Variants in C4orf33 observed in about 807,000 individuals in gnomAD.
The protein encoded by C4orf33 is UPF0462 protein C4orf33.
Under a neutral mutation model 24.3 loss-of-function variants are expected in C4orf33, and 20 were observed. The observed-to-expected ratio is 0.82, with a 90% CI of 0.58 to 1.19. The LOEUF is 1.19. Among genes scored for constraint, C4orf33 ranks in the 50% most tolerant of loss-of-function variants. C4orf33 has a pLI of 0.00. For missense variants in C4orf33, 207 were observed against 225.9 expected, an observed-to-expected ratio of 0.92 and a Z score of 0.54; for synonymous variants, 67 against 76.4, an observed-to-expected ratio of 0.88 and a Z score of 0.64.
At chr4:129,107,737 T>G (rs1026520964) in intron 3 of C4orf33, among the ~76,000 whole-genome samples, 1 of 152,048 alleles carries the variant, frequency 6.6e-6, no homozygotes, top group Admixed American at 6.5e-5. Flanking sequence ...GTGCTTATTT[T>G]TACCCTACAG....
At chr4:129,099,268 C>T (rs1393023829) in intron 1 of C4orf33, among the ~76,000 whole-genome samples, 1 of 152,142 alleles carries the variant, frequency 6.6e-6, no homozygotes, top group Non-Finnish European at 1.5e-5. Context: ...TACATGAGAA[C>T]CATCCCAAAC....
In C4orf33 at chr4:129,115,817, T is replaced by TATATAATATATATATGTTTATATATA. The variant is rs1753765911; in HGVS notation, c.*4031_*4032insATATATATATGTTTATATATAATATA. On this transcript the variant is annotated 3_prime_UTR_variant, in exon 6 of 6. Transcript: ENST00000425929. The stretch of plus-strand genomic sequence containing the variant: ...TTCTAACTAAATATATATATATATA[T>TATATAATATATATATGTTTATATATA]ATATATATATATAAAATATATATGT... 1.4e-5 allele frequency: 2 copies of TATATAATATATATATGTTTATATATA among 141,926 alleles called. No homozygotes were observed. The highest frequency in any genetic ancestry group is 5.3e-5 in the African/African-American group (2 of 38,040). 8.8% of individuals were successfully genotyped at this position (141,926 alleles called of 1,614,324 possible). A position where few individuals can be genotyped will look rare whatever the true frequency, so the allele number is the denominator to read the frequency against.
chr4:129,100,527 A>G (rs1033791744), intron 1 of C4orf33: 5 of 151,632 alleles, frequency 3.3e-5, no homozygotes, highest in African/African-American at 7.3e-5. Context: ...TTAGTAGCAT[A>G]TCACTGGATA....
At chr4:129,094,301 AT>A (rs56057120), upstream of C4orf33, among the ~76,000 whole-genome samples, 1 of 139,792 alleles carries the variant, frequency 7.2e-6, no homozygotes, top group Non-Finnish European at 1.6e-5. Flanking sequence ...CTTAAAACGT[AT>A]TTTTTTAAAA....
chr4:129,115,818 A>ATATAATATATATGTTTATATAT lies in C4orf33; in HGVS notation c.*4031_*4032insATATATATGTTTATATATTATA, dbSNP rs1554010295. ...TCTAACTAAATATATATATATATAT[A>ATATAATATATATGTTTATATAT]TATATATATATAAAATATATATGTT... On this transcript the variant is annotated 3_prime_UTR_variant, in exon 6 of 6. Transcript: ENST00000425929. The ATATAATATATATGTTTATATAT allele has an allele frequency of 0.011, 1,050 of 94,824 alleles. 13 individuals carry two copies. Among genetic ancestry groups the ATATAATATATATGTTTATATAT allele is most frequent in the African/African-American group, 0.03 (882 of 29,308 alleles). 5.9% of individuals were successfully genotyped at this position (94,824 alleles called of 1,614,324 possible).
intron 3 of C4orf33, among the ~76,000 whole-genome samples, chr4:129,107,072 G>A (rs1250079605): frequency 1.3e-5 from 2 of 151,842 alleles, no homozygotes; most frequent in Non-Finnish European, 2.9e-5. Context: ...TCTTTTAGGG[G>A]ATTTTTAAAT....
chr4:129,096,825 C>G (rs1222408030), intron 1 of C4orf33, among the ~76,000 whole-genome samples: 1 of 152,086 alleles, frequency 6.6e-6, no homozygotes, highest in Non-Finnish European at 1.5e-5. Flanking sequence ...TATGACTTTT[C>G]GGAAACGTTC....
At chr4:129,101,742 C>G (rs1446649525) in intron 1 of C4orf33, among the ~76,000 whole-genome samples, 2 of 152,160 alleles carry the variant, frequency 1.3e-5, no homozygotes, top group Non-Finnish European at 2.9e-5. Context: ...AGACTGTGTC[C>G]TTCTATTGAA....
At chr4:129,104,466 C>A (rs1397436771) in intron 2 of C4orf33, among the ~76,000 whole-genome samples, 1 of 152,094 alleles carries the variant, frequency 6.6e-6, no homozygotes, top group Non-Finnish European at 1.5e-5. Flanking sequence ...AAGTTTTGTC[C>A]TTCTTAATAT....
At chr4:129,102,418 G>T (rs1040077169) in intron 1 of C4orf33, among the ~76,000 whole-genome samples, 184 bp from the exon 2 acceptor site, 17 of 152,180 alleles carry the variant, frequency 1.1e-4, no homozygotes, top group Admixed American at 5.9e-4. Flanking sequence ...ACCTATTTTA[G>T]ACTAGAACTC....
intron 1 of C4orf33, among the ~76,000 whole-genome samples, chr4:129,101,336 A>T (rs1007559314): frequency 6.6e-6 from 1 of 152,182 alleles, no homozygotes. Context: ...TAACTTCATT[A>T]ATTATAGTAA....
intron 5 of C4orf33, among the ~76,000 whole-genome samples, chr4:129,111,296 G>C (rs1454669489): frequency 6.6e-6 from 1 of 152,138 alleles, no homozygotes; most frequent in Non-Finnish European, 1.5e-5. Flanking sequence ...CTTATCAATG[G>C]AACTGAAACT....
At chr4:129,099,518 C>T (rs548563929) in intron 1 of C4orf33, among the ~76,000 whole-genome samples, 59 of 147,740 alleles carry the variant, frequency 4.0e-4, no homozygotes, top group African/African-American at 1.4e-3. Context: ...AAAAATTATT[C>T]ACTCAACAAA....
rs1554010299 is a variant in C4orf33, at chr4:129,115,819, T to TATATAATATATATATGTTTATATATAAC, written c.*4033_*4034insATATATATATGTTTATATATAACATATA. 413 of 96,362 alleles carry TATATAATATATATATGTTTATATATAAC rather than the reference T, an allele frequency of 4.3e-3. 3 individuals are homozygous for TATATAATATATATATGTTTATATATAAC. Among genetic ancestry groups the TATATAATATATATATGTTTATATATAAC allele is most frequent in the South Asian group, 0.033 (94 of 2,882 alleles). 6.0% of individuals were successfully genotyped at this position (96,362 alleles called of 1,614,324 possible). The stretch of plus-strand genomic sequence containing the variant: ...CTAACTAAATATATATATATATATA[T>TATATAATATATATATGTTTATATATAAC]ATATATATATAAAATATATATGTTT... On this transcript the variant is annotated 3_prime_UTR_variant, in exon 6 of 6. Transcript: ENST00000425929.
At chr4:129,099,752 G>T (rs570132251) in intron 1 of C4orf33, among the ~76,000 whole-genome samples, 3 of 152,282 alleles carry the variant, frequency 2.0e-5, no homozygotes, top group East Asian at 3.9e-4. Flanking sequence ...TTGAAAGGTT[G>T]TGGGGGTTAA....
At position 129,113,157 on chromosome 4, in the gene C4orf33, TGATA is replaced by T. The variant is rs1216982236; in HGVS notation, c.*1371_*1374del. On this transcript the variant is annotated 3_prime_UTR_variant, in exon 6 of 6. Coordinates refer to ENST00000425929, the MANE Select transcript of C4orf33 (RefSeq NM_001099783.2). ...TATGGATAAAAATGAAGCACAAATA[TGATA>T]GATACAATCACAACAATATAAAATA... 1 of 152,144 alleles carries T rather than the reference TGATA, an allele frequency of 6.6e-6. No homozygotes were observed. The highest frequency in any genetic ancestry group is 1.5e-5 in the Non-Finnish European group (1 of 67,996). The allele number at this position is 152,144 out of a possible 1,614,324, so 9.4% of individuals were successfully genotyped here. A position where few individuals can be genotyped will look rare whatever the true frequency, so the allele number is the denominator to read the frequency against.
chr4:129,097,307 G>A (rs1054162937), intron 1 of C4orf33, among the ~76,000 whole-genome samples: 1 of 152,202 alleles, frequency 6.6e-6, no homozygotes, highest in Non-Finnish European at 1.5e-5. Context: ...AAGTTGAAAG[G>A]AAGCCTTCCT....
intron 1 of C4orf33, among the ~76,000 whole-genome samples, chr4:129,101,728 T>C (rs576737256): frequency 6.6e-6 from 1 of 152,302 alleles, no homozygotes; most frequent in South Asian, 2.1e-4. Context: ...ATCAATGCAT[T>C]ACAAGACTGT....
chr4:129,109,299 T>G lies in C4orf33; in HGVS notation c.243-8T>G. On this transcript the variant is annotated splice_region_variant and splice_polypyrimidine_tract_variant and intron_variant, in intron 3 of 5. Transcript: ENST00000425929. Reference sequence around the variant, plus strand: ...TCAAACACTCATGAGGAATCTTAATTTTGACAGCCACGGACAGCATTTAGT... The same window carrying G: ...TCAAACACTCATGAGGAATCTTAATGTTGACAGCCACGGACAGCATTTAGT... The G allele has an allele frequency of 6.2e-7, 1 of 1,613,394 alleles. No homozygotes were observed. Among genetic ancestry groups the G allele is most frequent in the Non-Finnish European group, 8.5e-7 (1 of 1,179,354 alleles).
Sources: gnomAD v4.1 joint callset for allele counts (sites outside exome capture counted in the v4.1 genomes callset) on GRCh38, gnomAD v4.1.1 for gene constraint, MANE v1.5 for transcripts, NCBI Gene and HGNC (gene_info 2026-07-23, HGNC 2026-07-21) for gene names.